Variants in CLSTN2 observed in about 807,000 individuals in gnomAD.
CLSTN2 encodes calsyntenin-2.
In CLSTN2, 48 loss-of-function variants were observed where a neutral mutation model predicts 101.2. That is an observed-to-expected ratio of 0.47 (90% CI 0.38 to 0.60). The LOEUF (loss-of-function observed/expected upper bound fraction) is 0.60. CLSTN2 is among the 20% of genes least tolerant of loss of function. CLSTN2 has a pLI of 0.00. For missense variants in CLSTN2, 1,160 were observed against 1,238.2 expected, an observed-to-expected ratio of 0.94 and a Z score of 0.95; for synonymous variants, 481 against 463.6, an observed-to-expected ratio of 1.04 and a Z score of -0.48.
chr3:140,403,822 C>T lies in CLSTN2; in HGVS notation c.426C>T (p.His142=). The change falls in exon 3 of 17, where the codon CAC becomes CAT. Residue 142 remains histidine (H), a splice_region_variant and synonymous_variant. Coordinates refer to ENST00000458420, the MANE Select transcript of CLSTN2 (RefSeq NM_022131.3). The part of the protein sequence containing the change: ...GPHETAWKKS[H]KAVVHIQVKD... ...ACGAGACAGCCTGGAAAAAGTCACACAAGTGAGTGGCCTGACAGAGCCCTC... is the reference window on the plus strand; with the variant it reads ...ACGAGACAGCCTGGAAAAAGTCACATAAGTGAGTGGCCTGACAGAGCCCTC... 2 of 1,608,022 alleles carry T rather than the reference C, an allele frequency of 1.2e-6. No individual in the cohort carries two copies.
intron 2 of CLSTN2, among the ~76,000 whole-genome samples, chr3:140,209,839 A>T (rs749590382): frequency 6.6e-6 from 1 of 152,160 alleles, no homozygotes; most frequent in African/African-American, 2.4e-5. Context: ...CAGTGGTTCA[A>T]TTCTGAAGTG....
At chr3:140,345,342 C>T (rs372533324) in intron 2 of CLSTN2, among the ~76,000 whole-genome samples, 7 of 151,292 alleles carry the variant, frequency 4.6e-5, no homozygotes, top group African/African-American at 7.3e-5. Flanking sequence ...TATGCCTCCC[C>T]GGTTCAAGCG....
rs143529942 is a variant in CLSTN2 at position 140,377,042 on chromosome 3, A to AGAGAGAGAGAGAGAGGATG, written c.233-26587_233-26586insGAGAGAGAGAGAGAGGATG. Among the ~76,000 whole-genome samples the AGAGAGAGAGAGAGAGGATG allele has an allele frequency of 4.3e-3, 647 of 149,770 alleles. 4 individuals are homozygous for AGAGAGAGAGAGAGAGGATG. Among genetic ancestry groups the AGAGAGAGAGAGAGAGGATG allele is most frequent in the Middle Eastern group, 0.018 (5 of 284 alleles). On this transcript the variant is annotated intron_variant, in intron 2 of 16. Coordinates refer to ENST00000458420, the MANE Select transcript of CLSTN2 (RefSeq NM_022131.3). ...ATACACAGAGAGAGAGAGAGAGAGG[A>AGAGAGAGAGAGAGAGGATG]TGTGTGTGTGTGTTATATGCCATAA...
At chr3:140,166,438 C>T (rs1350224872) in intron 1 of CLSTN2, among the ~76,000 whole-genome samples, 3 of 152,160 alleles carry the variant, frequency 2.0e-5, no homozygotes, top group Non-Finnish European at 4.4e-5. Context: ...ATGTTTTTTA[C>T]TCATAGTTTA....
At chr3:140,546,964 AGTT>A (rs1264185151) in intron 10 of CLSTN2, among the ~76,000 whole-genome samples, 1 of 152,240 alleles carries the variant, frequency 6.6e-6, no homozygotes. Flanking sequence ...ACCTGGAGGA[AGTT>A]GTTGTATTTC....
At chr3:140,446,293 A>G (rs1012950956) in intron 5 of CLSTN2, among the ~76,000 whole-genome samples, 2 of 152,194 alleles carry the variant, frequency 1.3e-5, no homozygotes, top group Non-Finnish European at 2.9e-5. Flanking sequence ...TTTGAGGAAA[A>G]TAACATAGAA....
At chr3:140,537,397 G>A (rs1450303145) in intron 9 of CLSTN2, among the ~76,000 whole-genome samples, 1 of 152,120 alleles carries the variant, frequency 6.6e-6, no homozygotes, top group Non-Finnish European at 1.5e-5. Flanking sequence ...AAAAAAAATG[G>A]GACTTCATTT....
chr3:140,526,803 T>G (rs956248592), intron 8 of CLSTN2, among the ~76,000 whole-genome samples: 1 of 152,154 alleles, frequency 6.6e-6, no homozygotes, highest in Non-Finnish European at 1.5e-5. Context: ...CCATCTGATC[T>G]TCAGCAAAAT....
chr3:140,236,437 A>G (rs2086417160), intron 2 of CLSTN2, among the ~76,000 whole-genome samples: 1 of 152,118 alleles, frequency 6.6e-6, no homozygotes, highest in African/African-American at 2.4e-5. Context: ...GTTTTCAGCA[A>G]GTTGATTTTG....
chr3:140,260,564 T>C (rs1183679328), intron 2 of CLSTN2, among the ~76,000 whole-genome samples: 2 of 151,258 alleles, frequency 1.3e-5, no homozygotes, highest in Non-Finnish European at 3.0e-5. Context: ...TTCAGAGTTA[T>C]AGAAAAATTG....
At chr3:140,449,421 T>A (rs1933185427) in intron 6 of CLSTN2, 1 of 152,156 alleles carries the variant, frequency 6.6e-6, no homozygotes, top group Non-Finnish European at 1.5e-5. Context: ...AAGCAGGAGA[T>A]GGCTCACAAT....
rs531950687 is a variant in CLSTN2 at position 140,568,068 on chromosome 3, C to T, written c.*1815C>T. On this transcript the variant is annotated 3_prime_UTR_variant, in exon 17 of 17. Coordinates refer to ENST00000458420, the MANE Select transcript of CLSTN2 (RefSeq NM_022131.3). ...TTTTGTGATGAGTAAACTGAGGCTT[C>T]GTGATTCAATGTCTTGTTCAGAGTC... The T allele has an allele frequency of 2.0e-5, 3 of 152,162 alleles. No individual in the cohort carries two copies. Among genetic ancestry groups the T allele is most frequent in the East Asian group, 3.8e-4 (2 of 5,200 alleles). 9.4% of individuals were successfully genotyped at this position (152,162 alleles called of 1,614,324 possible).
intron 2 of CLSTN2, among the ~76,000 whole-genome samples, chr3:140,262,329 G>A (rs1043226341): frequency 2.6e-5 from 4 of 152,216 alleles, no homozygotes; most frequent in African/African-American, 9.6e-5. Flanking sequence ...CAGTCAGCAT[G>A]GCTTTCAATG....
intron 1 of CLSTN2, among the ~76,000 whole-genome samples, chr3:139,937,901 C>A (rs1348824687): frequency 6.6e-6 from 1 of 152,004 alleles, no homozygotes; most frequent in Non-Finnish European, 1.5e-5. Flanking sequence ...CTGTTTGCTG[C>A]TGATTTTTTT....
chr3:140,200,364 C>T (rs1017025209), intron 2 of CLSTN2, among the ~76,000 whole-genome samples: 2 of 152,132 alleles, frequency 1.3e-5, no homozygotes, highest in African/African-American at 4.8e-5. Context: ...TAAGTCATTT[C>T]AGGAACCCCA....
At chr3:140,328,481 C>A (rs2087351975) in intron 2 of CLSTN2, among the ~76,000 whole-genome samples, 2 of 152,226 alleles carry the variant, frequency 1.3e-5, no homozygotes, top group Non-Finnish European at 2.9e-5. Flanking sequence ...GGTTCCCACT[C>A]CTCTTTACCC....
At chr3:140,197,998 T>C (rs2010667605) in intron 2 of CLSTN2, among the ~76,000 whole-genome samples, 1 of 152,294 alleles carries the variant, frequency 6.6e-6, no homozygotes, top group East Asian at 1.9e-4. Flanking sequence ...AGAATTTTAT[T>C]TGTGGCTCTT....
At chr3:140,342,924 A>T (rs1252561169) in intron 2 of CLSTN2, among the ~76,000 whole-genome samples, 1 of 152,148 alleles carries the variant, frequency 6.6e-6, no homozygotes, top group Non-Finnish European at 1.5e-5. Context: ...CTAGTATCAC[A>T]AGAGAACCAG....
intron 4 of CLSTN2, among the ~76,000 whole-genome samples, chr3:140,409,050 A>G (rs111783558): frequency 9.8e-5 from 15 of 152,292 alleles, no homozygotes; most frequent in African/African-American, 3.4e-4. Context: ...CTTGATCCCC[A>G]TAGCTGCACA....
Sources: allele counts gnomAD v4.1 joint callset (sites outside exome capture counted in the v4.1 genomes callset), GRCh38; gene constraint gnomAD v4.1.1; transcripts MANE v1.5; gene names NCBI Gene and HGNC (gene_info 2026-07-23, HGNC 2026-07-21).